The following FCHSD2 variants were observed in gnomAD, a reference collection of about 807,000 sequenced individuals.
The protein encoded by FCHSD2 is F-BAR and double SH3 domains protein 2.
FCHSD2 carries 38 observed loss-of-function variants against 108.1 expected under a neutral mutation model. That is an observed-to-expected ratio of 0.35 (90% confidence interval 0.27 to 0.46). The LOEUF (loss-of-function observed/expected upper bound fraction) is 0.46, where lower values mean the gene tolerates loss of function less well. FCHSD2 is among the 20% of genes least tolerant of loss of function. The probability of loss-of-function intolerance (pLI) is 1.00; values close to 1 mark genes in which losing one functional copy is unlikely to be tolerated. For synonymous variants in FCHSD2, 279 were observed against 314.7 expected, an observed-to-expected ratio of 0.89 and a Z score of 1.20; for missense variants, 751 against 897.8, an observed-to-expected ratio of 0.84 and a Z score of 2.09.
In FCHSD2 at chr11:73,042,549, C is replaced by T. The variant is rs117705747; in HGVS notation, c.166-26664G>A. Among the ~76,000 whole-genome samples the T allele has an allele frequency of 1.5e-3, 222 of 152,206 alleles. 5 individuals are homozygous for T. In the East Asian group the frequency reaches 0.039, roughly 27 times the overall value. ...TTGCTTTGGCTATTGAGGTCTTCTG[C>T]GGTTCCATACAATTTTTAGAATTGT... On this transcript the variant is annotated intron_variant, in intron 3 of 19. Coordinates refer to ENST00000409418, the MANE Select transcript of FCHSD2 (RefSeq NM_014824.3).
chr11:72,974,833 G>A (rs970181906), intron 8 of FCHSD2, among the ~76,000 whole-genome samples: 2 of 151,954 alleles, frequency 1.3e-5, no homozygotes, highest in Non-Finnish European at 2.9e-5. Flanking sequence ...TAAAGCAAGA[G>A]AAGCAGAGAT....
chr11:73,096,986 G>GTTT (rs1400831147), intron 2 of FCHSD2, among the ~76,000 whole-genome samples: 2 of 19,472 alleles, frequency 1.0e-4, no homozygotes, highest in Non-Finnish European at 1.7e-4. Flanking sequence ...TTCATTGATG[G>GTTT]ATTTTTTTTT....
intron 2 of FCHSD2, among the ~76,000 whole-genome samples, chr11:73,115,415 C>T (rs945522098): frequency 6.6e-6 from 1 of 152,194 alleles, no homozygotes; most frequent in Non-Finnish European, 1.5e-5. Context: ...GTTCTCCTGA[C>T]GTTTGGCCTC....
intron 2 of FCHSD2, among the ~76,000 whole-genome samples, chr11:73,096,051 T>A (rs1860066284): frequency 6.6e-6 from 1 of 151,442 alleles, no homozygotes; most frequent in African/African-American, 2.4e-5. Flanking sequence ...CAAAAAAACC[T>A]TCTCATTCAA....
intron 2 of FCHSD2, among the ~76,000 whole-genome samples, chr11:73,093,121 C>T (rs1859995305): frequency 6.6e-6 from 1 of 152,178 alleles, no homozygotes; most frequent in Non-Finnish European, 1.5e-5. Flanking sequence ...CTCAGGTAGG[C>T]TTTCCTAATT....
intron 9 of FCHSD2, among the ~76,000 whole-genome samples, chr11:72,904,259 C>T (rs1855585132): frequency 6.6e-6 from 1 of 152,208 alleles, no homozygotes; most frequent in Non-Finnish European, 1.5e-5. Context: ...GCTCATTACA[C>T]AGCCCTCAGA....
chr11:73,037,129 T>G (rs1179366651), intron 3 of FCHSD2, among the ~76,000 whole-genome samples: 3 of 152,192 alleles, frequency 2.0e-5, no homozygotes, highest in Non-Finnish European at 4.4e-5. Flanking sequence ...AGACTTCATA[T>G]TTTTTAGAAC....
chr11:73,088,389 C>A (rs1471181990), intron 2 of FCHSD2, among the ~76,000 whole-genome samples: 5 of 151,988 alleles, frequency 3.3e-5, no homozygotes, highest in African/African-American at 7.2e-5. Context: ...CACACAATGA[C>A]GAAATTGCCT....
At chr11:73,129,225 GC>G (rs908352924) in intron 2 of FCHSD2, among the ~76,000 whole-genome samples, 1 of 152,128 alleles carries the variant, frequency 6.6e-6, no homozygotes, top group African/African-American at 2.4e-5. Flanking sequence ...TTACAGCTGG[GC>G]GCCATAATTT....
At chr11:72,879,955 C>A (rs187519009) in intron 12 of FCHSD2, among the ~76,000 whole-genome samples, 1 of 144,180 alleles carries the variant, frequency 6.9e-6, no homozygotes, top group Admixed American at 7.0e-5. Flanking sequence ...GCCGAGATCG[C>A]GCCATCGCAT....
chr11:73,017,330 G>A (rs1319634588), intron 3 of FCHSD2, among the ~76,000 whole-genome samples: 2 of 152,026 alleles, frequency 1.3e-5, no homozygotes, highest in Non-Finnish European at 2.9e-5. Context: ...ACTATAACAG[G>A]GCCTAATGTA....
At chr11:73,138,828 G>A (rs753841044) in intron 2 of FCHSD2, among the ~76,000 whole-genome samples, 1 of 152,072 alleles carries the variant, frequency 6.6e-6, no homozygotes, top group African/African-American at 2.4e-5. Flanking sequence ...GGCTGGTCTC[G>A]AACTCCTGAC....
chr11:73,096,987 A>AATTTTTTTTTTTTTTTTTTTTTTTTTT (rs1860095700), intron 2 of FCHSD2, among the ~76,000 whole-genome samples: 1 of 27,020 alleles, frequency 3.7e-5, no homozygotes, highest in African/African-American at 2.0e-4. Flanking sequence ...TCATTGATGG[A>AATTTTTTTTTTTTTTTTTTTTTTTTTT]TTTTTTTTTT....
At chr11:72,968,621 G>A (rs762240660) in intron 8 of FCHSD2, among the ~76,000 whole-genome samples, 1 of 152,152 alleles carries the variant, frequency 6.6e-6, no homozygotes, top group Non-Finnish European at 1.5e-5. Context: ...ATCCATAAAT[G>A]GGGGGTTATT....
chr11:73,042,699 C>T (rs957709082), intron 3 of FCHSD2, among the ~76,000 whole-genome samples: 1 of 152,100 alleles, frequency 6.6e-6, no homozygotes, highest in African/African-American at 2.4e-5. Flanking sequence ...GCATGAGATA[C>T]CTTTCCATTT....
intron 8 of FCHSD2, among the ~76,000 whole-genome samples, chr11:72,944,402 A>C (rs1316808516): frequency 6.6e-6 from 1 of 152,156 alleles, no homozygotes; most frequent in Non-Finnish European, 1.5e-5. Flanking sequence ...ACGTATCTCA[A>C]AATAATAAGA....
At chr11:73,097,508 C>T (rs370925163) in intron 2 of FCHSD2, among the ~76,000 whole-genome samples, 16 of 147,946 alleles carry the variant, frequency 1.1e-4, no homozygotes, top group African/African-American at 3.8e-4. Flanking sequence ...CCCTTTTCTT[C>T]TGTTTTTTTG....
intron 2 of FCHSD2, among the ~76,000 whole-genome samples, chr11:73,110,500 T>C (rs1457554528): frequency 6.6e-6 from 1 of 152,182 alleles, no homozygotes; most frequent in Non-Finnish European, 1.5e-5. Context: ...TACCCATGAA[T>C]AATCTTTTTA....
At chr11:73,074,499 TA>T (rs1439135845) in intron 3 of FCHSD2, among the ~76,000 whole-genome samples, 4 of 152,024 alleles carry the variant, frequency 2.6e-5, no homozygotes, top group African/African-American at 7.2e-5. Context: ...TATTAAACAA[TA>T]AAAATTCCAG....
Sources: gnomAD v4.1 joint callset for allele counts (sites outside exome capture counted in the v4.1 genomes callset) on GRCh38, gnomAD v4.1.1 for gene constraint, MANE v1.5 for transcripts, NCBI Gene and HGNC (gene_info 2026-07-23, HGNC 2026-07-21) for gene names.